RAP1A: variants seen among roughly 807,000 people sequenced by gnomAD.
RAP1A encodes the protein RAP1A, member of RAS oncogene family.
RAP1A carries 6 observed loss-of-function variants against 26.4 expected under a neutral mutation model. The observed-to-expected ratio is 0.23, with a 90% CI of 0.12 to 0.45. The LOEUF is 0.45. RAP1A is among the 20% of genes least tolerant of loss of function. RAP1A has a pLI of 0.99. For missense variants in RAP1A, 121 were observed against 217.2 expected (o/e 0.56, Z 2.78); for synonymous variants, 73 against 79.4 (o/e 0.92, Z 0.43).
At chr1:111,572,781 G>A (rs144591878) in intron 1 of RAP1A, among the ~76,000 whole-genome samples, 1 of 152,112 alleles carries the variant, frequency 6.6e-6, no homozygotes. Flanking sequence ...GGGTACATGT[G>A]CAGGTTTGCT....
intron 1 of RAP1A, among the ~76,000 whole-genome samples, chr1:111,672,915 A>G (rs1430679325): frequency 1.3e-5 from 2 of 151,982 alleles, no homozygotes; most frequent in Non-Finnish European, 2.9e-5. Flanking sequence ...ATGATTCCTA[A>G]CTTTTCTTAG....
intron 1 of RAP1A, among the ~76,000 whole-genome samples, chr1:111,660,616 T>G (rs1300102726): frequency 2.6e-5 from 4 of 152,242 alleles, no homozygotes; most frequent in African/African-American, 9.6e-5. Context: ...TTCTTCCTGA[T>G]TCTGCCCTTG....
chr1:111,582,150 A>G (rs930977674), intron 1 of RAP1A, among the ~76,000 whole-genome samples: 4 of 152,200 alleles, frequency 2.6e-5, no homozygotes, highest in African/African-American at 7.2e-5. Flanking sequence ...TGCAAAACAA[A>G]GAGAGGGGAA....
In RAP1A at chr1:111,571,366, C is replaced by T. The variant is rs549794250; in HGVS notation, c.-28+28857C>T. ...ACTTTTTATAATCAATTTCAAGAGC[C>T]CTGCCTCCCACCCTTTCTGAAGTTC... On this transcript the variant is annotated intron_variant, in intron 1 of 7. Transcript: ENST00000356415. Among the ~76,000 whole-genome samples the T allele has an allele frequency of 5.9e-5, 9 of 152,262 alleles. No individual in the cohort carries two copies. The South Asian group carries it at 1.7e-3, about 28-fold the overall frequency.
At chr1:111,675,553 AG>A (rs1661102796) in intron 1 of RAP1A, among the ~76,000 whole-genome samples, 1 of 152,172 alleles carries the variant, frequency 6.6e-6, no homozygotes, top group African/African-American at 2.4e-5. Context: ...GTCTTGTACC[AG>A]CTTTATTCCC....
At chr1:111,677,475 G>A (rs576766373) in intron 1 of RAP1A, among the ~76,000 whole-genome samples, 10 of 152,154 alleles carry the variant, frequency 6.6e-5, no homozygotes, top group Non-Finnish European at 1.0e-4. Flanking sequence ...AGTTTCTGTG[G>A]ATCAGGGATT....
intron 1 of RAP1A, among the ~76,000 whole-genome samples, chr1:111,643,475 C>G (rs574965293): frequency 6.6e-6 from 1 of 152,310 alleles, no homozygotes; most frequent in East Asian, 1.9e-4. Flanking sequence ...AAATTCTACT[C>G]ACAGCTTTGA....
intron 1 of RAP1A, among the ~76,000 whole-genome samples, chr1:111,568,355 T>C (rs916456126): frequency 1.1e-4 from 16 of 152,132 alleles, no homozygotes; most frequent in African/African-American, 3.9e-4. Flanking sequence ...GCAGGTCACA[T>C]GGCCAGTGAG....
chr1:111,600,652 A>G (rs1180481688), intron 1 of RAP1A, among the ~76,000 whole-genome samples: 1 of 152,230 alleles, frequency 6.6e-6, no homozygotes, highest in African/African-American at 2.4e-5. Context: ...ACCATGTTTA[A>G]GAGGGCAGAG....
At chr1:111,542,435 G>T in exon 1 of RAP1A, 1 of 220,120 alleles carries the variant, frequency 4.5e-6, no homozygotes, top group Non-Finnish European at 9.5e-6. Flanking sequence ...ACTGGGCTCC[G>T]CCCTTAAGAG....
In RAP1A at chr1:111,695,332, T is replaced by C. The variant is rs749758291; in HGVS notation, c.58-9T>C. On this transcript the variant is annotated splice_polypyrimidine_tract_variant and intron_variant, in intron 2 of 7. Transcript: ENST00000369709. Reference sequence around the variant, plus strand: ...AATTTTTTAATATTTCTCTTTTTTTTTCCCCCAGACAGTTCAGTTTGTTCA... The same window carrying C: ...AATTTTTTAATATTTCTCTTTTTTTCTCCCCCAGACAGTTCAGTTTGTTCA... 3.9e-6 allele frequency: 6 copies of C among 1,548,668 alleles called. No individual in the cohort carries two copies. Among genetic ancestry groups the C allele is most frequent in the Non-Finnish European group, 5.2e-6 (6 of 1,153,266 alleles).
chr1:111,611,431 G>A (rs1658925069), intron 1 of RAP1A, among the ~76,000 whole-genome samples: 1 of 151,764 alleles, frequency 6.6e-6, no homozygotes, highest in East Asian at 1.9e-4. Flanking sequence ...GAAATAGAAG[G>A]GAATAAAAAG....
Position 111,716,544 on chromosome 1 carries a change from G to A in RAP1A, c.*4143G>A, listed in dbSNP as rs771928844. 1 of 152,298 alleles carries A rather than the reference G, an allele frequency of 6.6e-6. No homozygotes were observed. The highest frequency in any genetic ancestry group is 2.4e-5 in the African/African-American group (1 of 41,560). 9.4% of individuals were successfully genotyped at this position (152,298 alleles called of 1,614,324 possible). A position where few individuals can be genotyped will look rare whatever the true frequency, so the allele number is the denominator to read the frequency against. ...GCTTTAAATGGGAATTGGGGATGAT[G>A]TATGTTCGTTGGGCATGCTGAGAAG... On this transcript the variant is annotated 3_prime_UTR_variant, in exon 8 of 8. Coordinates refer to ENST00000369709, the MANE Select transcript of RAP1A (RefSeq NM_002884.4).
upstream of RAP1A, among the ~76,000 whole-genome samples, chr1:111,619,265 T>C (rs1020917482): frequency 6.6e-6 from 1 of 152,210 alleles, no homozygotes; most frequent in Non-Finnish European, 1.5e-5. Flanking sequence ...TCAAAGGTCT[T>C]CTTTGAGAGG....
At chr1:111,613,624 A>G (rs1490680722) in intron 1 of RAP1A, among the ~76,000 whole-genome samples, 1 of 152,224 alleles carries the variant, frequency 6.6e-6, no homozygotes. Flanking sequence ...TGTGACTAGT[A>G]CATAGCTTAT....
chr1:111,555,528 G>A (rs1657454812), intron 1 of RAP1A, among the ~76,000 whole-genome samples: 1 of 151,874 alleles, frequency 6.6e-6, no homozygotes, highest in African/African-American at 2.4e-5. Context: ...AATAGCTGAA[G>A]AAATTTTACA....
chr1:111,580,826 G>A (rs757026591), intron 1 of RAP1A, among the ~76,000 whole-genome samples: 24 of 151,194 alleles, frequency 1.6e-4, no homozygotes, highest in African/African-American at 4.8e-4. Context: ...TAGCCTGGGC[G>A]GCAGAGCAAG....
intron 4 of RAP1A, among the ~76,000 whole-genome samples, chr1:111,702,661 G>A (rs992152325): frequency 6.6e-6 from 1 of 151,632 alleles, no homozygotes; most frequent in African/African-American, 2.4e-5. Context: ...TCCACCTCCC[G>A]GGTTCAAGTG....
chr1:111,567,098 C>T (rs1304895124), intron 1 of RAP1A, among the ~76,000 whole-genome samples: 1 of 152,064 alleles, frequency 6.6e-6, no homozygotes, highest in Non-Finnish European at 1.5e-5. Flanking sequence ...GGGATATAAA[C>T]ATGAATAAGA....
Sources: allele counts gnomAD v4.1 joint callset (sites outside exome capture counted in the v4.1 genomes callset), GRCh38; gene constraint gnomAD v4.1.1; transcripts MANE v1.5; gene names NCBI Gene and HGNC (gene_info 2026-07-23, HGNC 2026-07-21).